The following FKBP7 variants were observed in gnomAD, a reference collection of about 807,000 sequenced individuals.
FKBP7 encodes FKBP prolyl isomerase 7, also known as peptidyl-prolyl cis-trans isomerase FKBP7.
Under a neutral mutation model 24.3 loss-of-function variants are expected in FKBP7, and 24 were observed. The ratio of observed to expected loss-of-function variants is 0.99; its 90% CI spans 0.72 to 1.39. The LOEUF is 1.39. Among genes scored for constraint, FKBP7 ranks in the 40% most tolerant of loss-of-function variants. FKBP7 has a pLI of 0.00. For missense variants in FKBP7, 257 were observed against 269.5 expected, an observed-to-expected ratio of 0.95 and a Z score of 0.33; for synonymous variants, 98 against 92.8, an observed-to-expected ratio of 1.06 and a Z score of -0.32.
At position 178,465,999 on chromosome 2, in the gene FKBP7, A is replaced by G. The variant is rs1019411138; in HGVS notation, c.508-68T>C. On this transcript the variant is annotated intron_variant, in intron 3 of 3. Coordinates refer to ENST00000424785, the MANE Select transcript of FKBP7 (RefSeq NM_181342.3). Reference sequence around the variant, plus strand: ...AGTGAATTTCCAGTAACTTTAAGGAATAGTTATAATAATGAAACTCATGTG... The same window carrying G: ...AGTGAATTTCCAGTAACTTTAAGGAGTAGTTATAATAATGAAACTCATGTG... 4 of 1,319,090 alleles carry G rather than the reference A, an allele frequency of 3.0e-6. No homozygotes were observed. The South Asian group carries it at 4.8e-5, about 16-fold the overall frequency. The allele number at this position is 1,319,090 out of a possible 1,614,324, so 81.7% of individuals were successfully genotyped here. A position where few individuals can be genotyped will look rare whatever the true frequency, so the allele number is the denominator to read the frequency against.
chr2:178,469,430 C>T (rs1684786072), intron 3 of FKBP7, among the ~76,000 whole-genome samples: 1 of 152,182 alleles, frequency 6.6e-6, no homozygotes, highest in East Asian at 1.9e-4. Flanking sequence ...TAATGACTCT[C>T]TTGCAGGGAG....
In FKBP7 at chr2:178,465,689, T is replaced by A. The variant is rs911996463; in HGVS notation, c.*81A>T. On this transcript the variant is annotated 3_prime_UTR_variant, in exon 4 of 4. Transcript: ENST00000424785. ...CTTCTCATAGGGGAAAAATAGCAAA[T>A]ACAACTTGGAGAAAAGTGACTTTGT... is the stretch of plus-strand genomic sequence containing the variant. 3.8e-6 allele frequency: 5 copies of A among 1,306,540 alleles called. No homozygotes were observed. The highest frequency in any genetic ancestry group is 1.5e-5 in the African/African-American group (1 of 65,614). The allele number at this position is 1,306,540 out of a possible 1,614,324, so 80.9% of individuals were successfully genotyped here.
At chr2:178,469,122 C>T (rs1041652312) in intron 3 of FKBP7, among the ~76,000 whole-genome samples, 4 of 152,138 alleles carry the variant, frequency 2.6e-5, no homozygotes, top group Non-Finnish European at 4.4e-5. Flanking sequence ...CCTCCCACCT[C>T]GGCCTCTCAA....
At chr2:178,473,269 C>A (rs1684905978) in intron 2 of FKBP7, 4 of 404,732 alleles carry the variant, frequency 9.9e-6, no homozygotes, top group Admixed American at 3.1e-5. Flanking sequence ...ATAATGTAAT[C>A]CAAGGTATTG....
intron 3 of FKBP7, 36 bp from the exon 4 acceptor site, chr2:178,465,967 G>A (rs758018447): frequency 6.6e-7 from 1 of 1,514,354 alleles, no homozygotes; most frequent in Non-Finnish European, 8.9e-7. Context: ...TAATTAAAAG[G>A]TATCACAGTG....
intron 2 of FKBP7, among the ~76,000 whole-genome samples, chr2:178,473,600 G>A (rs936150032): frequency 6.6e-6 from 1 of 152,232 alleles, no homozygotes; most frequent in African/African-American, 2.4e-5. Flanking sequence ...AACCCTGGAT[G>A]AGCACCTGAT....
At chr2:178,470,218 A>G (rs1215884480) in intron 2 of FKBP7, among the ~76,000 whole-genome samples, 2 of 152,234 alleles carry the variant, frequency 1.3e-5, no homozygotes, top group East Asian at 3.8e-4. Flanking sequence ...ATAAACATGT[A>G]CAGACTTTTG....
intron 3 of FKBP7, among the ~76,000 whole-genome samples, chr2:178,466,560 T>C (rs1022400698): frequency 2.0e-5 from 3 of 152,098 alleles, no homozygotes; most frequent in South Asian, 4.1e-4. Flanking sequence ...ACTTGAAACA[T>C]GGCTAGATCA....
rs34960361 is a variant in FKBP7 at position 178,477,150 on chromosome 2, G to A, written c.285C>T (p.Gly95=). The A allele has an allele frequency of 1.9e-3, 2,985 of 1,612,664 alleles. 60 individuals are homozygous for A. The African/African-American group carries it at 0.035, about 19-fold the overall frequency. ...ACATATCTGTCATAGCAATGTCTAGGCCTTTTATGACTTGCCCAACACCAA... is the reference window on the plus strand; with the variant it reads ...ACATATCTGTCATAGCAATGTCTAGACCTTTTATGACTTGCCCAACACCAA... ...FVLGVGQVIK[G]LDIAMTDMCP... is the part of the protein sequence containing the mutation. Residue 95 remains glycine (G), a synonymous_variant, in exon 2 of 4, where the codon GGC becomes GGT. Coordinates refer to ENST00000424785, the MANE Select transcript of FKBP7 (RefSeq NM_181342.3).
chr2:178,478,294 G>C lies in FKBP7; in HGVS notation c.206C>G (p.Ser69Trp), dbSNP rs375117980. The change falls in exon 1 of 4, where the codon TCG becomes TGG. Residue 69 changes from serine (S) to tryptophan (W), a missense_variant. By Grantham distance (177) the Ser-to-Trp change is radical. Transcript: ENST00000424785. ...HYDGYLAKDG[S>W]KFYCSRTQNE... is the part of the protein sequence containing the mutation. ...CATTTCCTACCTGCAGTAGAATTTC[G>C]AGCCGTCTTTAGCCAGGTAGCCGTC... The C allele has an allele frequency of 6.2e-6, 10 of 1,614,024 alleles. No homozygotes were observed. The East Asian group carries it at 8.9e-5, about 14-fold the overall frequency.
At chr2:178,474,117 G>T (rs1226098515) in intron 2 of FKBP7, among the ~76,000 whole-genome samples, 1 of 152,188 alleles carries the variant, frequency 6.6e-6, no homozygotes, top group Non-Finnish European at 1.5e-5. Context: ...AAGAAGGCAT[G>T]CCACTTCCAT....
At chr2:178,476,007 C>T (rs1684988864) in intron 2 of FKBP7, among the ~76,000 whole-genome samples, 1 of 152,156 alleles carries the variant, frequency 6.6e-6, no homozygotes, top group Non-Finnish European at 1.5e-5. Context: ...CCGTCCTGTC[C>T]TTTTACTCTA....
At chr2:178,466,659 C>T (rs1269798023) in intron 3 of FKBP7, among the ~76,000 whole-genome samples, 2 of 151,984 alleles carry the variant, frequency 1.3e-5, no homozygotes, top group African/African-American at 2.4e-5. Flanking sequence ...ACATCGATCT[C>T]ATATTGAAAT....
intron 3 of FKBP7, 53 bp downstream of exon 3, chr2:178,469,599 T>C: frequency 6.3e-7 from 1 of 1,590,938 alleles, no homozygotes; most frequent in Middle Eastern, 1.7e-4. Context: ...CACAGATGTA[T>C]TTAAACTGTG....
chr2:178,466,693 T>C (rs1036732194), intron 3 of FKBP7, among the ~76,000 whole-genome samples: 1 of 152,150 alleles, frequency 6.6e-6, no homozygotes, highest in African/African-American at 2.4e-5. Flanking sequence ...ATATATTGAG[T>C]GAAGATATAA....
At chr2:178,476,436 C>A (rs1685002757) in intron 2 of FKBP7, among the ~76,000 whole-genome samples, 1 of 152,214 alleles carries the variant, frequency 6.6e-6, no homozygotes, top group South Asian at 2.1e-4. Flanking sequence ...CACTACCATG[C>A]AACCAATCTC....
At chr2:178,472,181 T>G (rs1684865038) in intron 2 of FKBP7, among the ~76,000 whole-genome samples, 1 of 151,816 alleles carries the variant, frequency 6.6e-6, no homozygotes, top group Admixed American at 6.6e-5. Flanking sequence ...TTCAAGTGAT[T>G]CTTGTGTTTC....
intron 3 of FKBP7, 69 bp from the exon 4 acceptor site, chr2:178,466,000 T>C: frequency 7.6e-7 from 1 of 1,318,260 alleles, no homozygotes; most frequent in Non-Finnish European, 1.0e-6. Flanking sequence ...CTTTAAGGAA[T>C]AGTTATAATA....
Position 178,478,576 on chromosome 2 carries a change from C to T in FKBP7, c.-77G>A, listed in dbSNP as rs1685082814. ...GATGTCCCGCGGCCGAGTTCCGACGCGTGGCAGGCGTTGTCCTGCGTCACA... is the reference window on the plus strand; with the variant it reads ...GATGTCCCGCGGCCGAGTTCCGACGTGTGGCAGGCGTTGTCCTGCGTCACA... On this transcript the variant is annotated 5_prime_UTR_variant, in exon 1 of 4. Coordinates refer to ENST00000424785, the MANE Select transcript of FKBP7 (RefSeq NM_181342.3). The T allele has an allele frequency of 2.8e-5, 44 of 1,583,560 alleles. No individual in the cohort carries two copies. In the South Asian group the frequency reaches 5.1e-4, roughly 18 times the overall value.
Sources: allele counts gnomAD v4.1 joint callset (sites outside exome capture counted in the v4.1 genomes callset), GRCh38; gene constraint gnomAD v4.1.1; transcripts MANE v1.5; gene names NCBI Gene and HGNC (gene_info 2026-07-23, HGNC 2026-07-21).